The following KIF6 variants were observed in gnomAD, a reference collection of about 807,000 sequenced individuals.
The protein encoded by KIF6 is kinesin family member 6, also known as kinesin-like protein KIF6.
KIF6 carries 106 observed loss-of-function variants against 112.7 expected under a neutral mutation model. The observed-to-expected ratio is 0.94, with a 90% CI of 0.80 to 1.11. The LOEUF is 1.11. Among genes scored for constraint, KIF6 ranks in the 50% least tolerant of loss-of-function variants. The probability of loss-of-function intolerance (pLI) is 0.00; values close to 1 mark genes in which losing one functional copy is unlikely to be tolerated. For missense variants in KIF6, 929 were observed against 964.0 expected (o/e 0.96, Z 0.48); for synonymous variants, 339 against 339.9 (o/e 1.00, Z 0.03).
intron 3 of KIF6, among the ~76,000 whole-genome samples, chr6:39,672,778 G>T (rs182014088): frequency 6.6e-6 from 1 of 151,876 alleles, no homozygotes; most frequent in Non-Finnish European, 1.5e-5. Context: ...ATCTGATTAG[G>T]GTCCCACTCT....
intron 6 of KIF6, among the ~76,000 whole-genome samples, chr6:39,600,561 C>T (rs1195964184): frequency 6.6e-6 from 1 of 152,114 alleles, no homozygotes; most frequent in African/African-American, 2.4e-5. Context: ...CTAGCCATTC[C>T]CTCATTCTAG....
intron 19 of KIF6, among the ~76,000 whole-genome samples, chr6:39,351,260 C>T (rs1401157804): frequency 5.6e-5 from 8 of 143,682 alleles, no homozygotes; most frequent in Admixed American, 4.4e-4. Context: ...GACAGGGTCT[C>T]GCTCTGTCAC....
At chr6:39,622,274 C>T (rs539443477) in intron 5 of KIF6, among the ~76,000 whole-genome samples, 1 of 151,328 alleles carries the variant, frequency 6.6e-6, no homozygotes, top group East Asian at 1.9e-4. Flanking sequence ...AATGTATGAG[C>T]TCTTTATATA....
chr6:39,458,627 C>T lies in KIF6; in HGVS notation c.1646-27466G>A, dbSNP rs1320692502. Among the ~76,000 whole-genome samples the T allele has an allele frequency of 6.6e-3, 928 of 140,374 alleles. 2 individuals carry two copies. Among genetic ancestry groups the T allele is most frequent in the African/African-American group, 9.5e-3 (352 of 37,124 alleles). The allele number at this position is 140,374 out of a possible 152,430, so 92.1% of individuals were successfully genotyped here. On this transcript the variant is annotated intron_variant, in intron 13 of 22. Transcript: ENST00000287152. ...TGATTGTTTATCTAGAAAACCCCAT[C>T]GTCTCAGCCCAAAATCTCCTTAAGG...
intron 2 of KIF6, among the ~76,000 whole-genome samples, chr6:39,715,779 G>A (rs1424078656): frequency 6.6e-6 from 1 of 152,206 alleles, no homozygotes; most frequent in Non-Finnish European, 1.5e-5. Flanking sequence ...ACTCTGGCTA[G>A]TATGTCATTT....
chr6:39,674,359 G>A (rs937592920), intron 3 of KIF6, among the ~76,000 whole-genome samples: 3 of 152,106 alleles, frequency 2.0e-5, no homozygotes, highest in African/African-American at 7.2e-5. Flanking sequence ...TTGATCCTGA[G>A]CAAAATGCAG....
At chr6:39,530,519 T>A (rs1355102560) in intron 13 of KIF6, among the ~76,000 whole-genome samples, 1 of 152,148 alleles carries the variant, frequency 6.6e-6, no homozygotes, top group African/African-American at 2.4e-5. Flanking sequence ...AAACAGACAT[T>A]TAAACTCCAA....
intron 6 of KIF6, among the ~76,000 whole-genome samples, chr6:39,610,352 C>G (rs1169722691): frequency 6.6e-6 from 1 of 152,174 alleles, no homozygotes; most frequent in Non-Finnish European, 1.5e-5. Flanking sequence ...AATAACTTTT[C>G]CTTAAAATGC....
At chr6:39,485,213 A>G (rs1280002685) in intron 13 of KIF6, among the ~76,000 whole-genome samples, 3 of 152,330 alleles carry the variant, frequency 2.0e-5, no homozygotes, top group East Asian at 3.9e-4. Context: ...GAGATCAGCC[A>G]CCTGCAGAGC....
intron 3 of KIF6, among the ~76,000 whole-genome samples, chr6:39,674,288 A>G (rs1787006611): frequency 6.6e-6 from 1 of 152,206 alleles, no homozygotes; most frequent in South Asian, 2.1e-4. Context: ...TGGTATGTCT[A>G]TGACTTAGCA....
At chr6:39,511,063 C>T (rs1392722088) in intron 13 of KIF6, among the ~76,000 whole-genome samples, 7 of 152,052 alleles carry the variant, frequency 4.6e-5, no homozygotes. Flanking sequence ...ATTCATAAAG[C>T]AAGTTCTTAG....
At chr6:39,573,008 T>TA (rs1780729308) in intron 10 of KIF6, among the ~76,000 whole-genome samples, 1 of 149,604 alleles carries the variant, frequency 6.7e-6, no homozygotes, top group African/African-American at 2.5e-5. Flanking sequence ...TCATACTAGA[T>TA]AAAATACCGT....
chr6:39,466,260 C>A (rs1168345730), intron 13 of KIF6, among the ~76,000 whole-genome samples: 1 of 152,148 alleles, frequency 6.6e-6, no homozygotes, highest in Non-Finnish European at 1.5e-5. Flanking sequence ...CTCCTTCTTC[C>A]TTCCTTCAAA....
At chr6:39,447,480 T>TGTATG (rs879640064) in intron 13 of KIF6, among the ~76,000 whole-genome samples, 162 of 152,274 alleles carry the variant, frequency 1.1e-3, no homozygotes, top group Admixed American at 2.5e-3. Context: ...GTATGCTGAA[T>TGTATG]CGGTTATAGT....
At chr6:39,595,955 A>C (rs950689164) in intron 7 of KIF6, 99 bp downstream of exon 7, 6 of 886,764 alleles carry the variant, frequency 6.8e-6, no homozygotes, top group Non-Finnish European at 1.0e-5. Context: ...TATATATTTC[A>C]TCATAATAAA....
intron 10 of KIF6, among the ~76,000 whole-genome samples, chr6:39,552,110 T>G (rs1418379928): frequency 6.6e-6 from 1 of 152,216 alleles, no homozygotes; most frequent in Non-Finnish European, 1.5e-5. Flanking sequence ...GGTTATTGAA[T>G]GTTGACACAA....
At chr6:39,565,078 A>G (rs1780209320) in intron 10 of KIF6, among the ~76,000 whole-genome samples, 1 of 152,146 alleles carries the variant, frequency 6.6e-6, no homozygotes, top group Admixed American at 6.6e-5. Flanking sequence ...CAAAGTGTCT[A>G]ATTCTAGATT....
chr6:39,647,860 C>T (rs1393002679), intron 3 of KIF6, among the ~76,000 whole-genome samples: 4 of 151,418 alleles, frequency 2.6e-5, no homozygotes, highest in Non-Finnish European at 5.9e-5. Flanking sequence ...TACAGGCACC[C>T]GCCATTATGC....
intron 13 of KIF6, among the ~76,000 whole-genome samples, chr6:39,440,221 G>A (rs938927122): frequency 6.6e-6 from 1 of 152,024 alleles, no homozygotes; most frequent in Non-Finnish European, 1.5e-5. Flanking sequence ...TGGGGAGCAT[G>A]TGGTGCTAAG....
Sources: allele counts gnomAD v4.1 joint callset (sites outside exome capture counted in the v4.1 genomes callset), GRCh38; gene constraint gnomAD v4.1.1; transcripts MANE v1.5; gene names NCBI Gene and HGNC (gene_info 2026-07-23, HGNC 2026-07-21).